Variants in PTPN13 observed in about 807,000 individuals in gnomAD.
The protein encoded by PTPN13 is tyrosine-protein phosphatase non-receptor type 13.
In PTPN13, 191 loss-of-function variants were observed where a neutral mutation model predicts 284.0. The ratio of observed to expected loss-of-function variants is 0.67; its 90% CI spans 0.60 to 0.76. The LOEUF (loss-of-function observed/expected upper bound fraction) is 0.76, where lower values mean the gene tolerates loss of function less well. Ranked by LOEUF, PTPN13 falls within the 30% of genes least tolerant of loss-of-function variation. PTPN13 has a pLI of 0.00. For missense variants in PTPN13, 2,797 were observed against 2,939.9 expected, an observed-to-expected ratio of 0.95 and a Z score of 1.12; for synonymous variants, 986 against 1,022.3, an observed-to-expected ratio of 0.96 and a Z score of 0.68.
chr4:86,689,771 T>C, intron 5 of PTPN13: 1 of 702,194 alleles, frequency 1.4e-6, no homozygotes, highest in Non-Finnish European at 2.6e-6. Context: ...ATCCCAAGAA[T>C]AACCAATGCT....
intron 9 of PTPN13, among the ~76,000 whole-genome samples, chr4:86,720,507 G>A (rs1260816177): frequency 1.3e-5 from 2 of 152,110 alleles, no homozygotes; most frequent in East Asian, 3.8e-4. Flanking sequence ...TTAGTTGTAT[G>A]TATGTATTAT....
intron 19 of PTPN13, among the ~76,000 whole-genome samples, chr4:86,752,167 G>A (rs1737468169): frequency 6.6e-6 from 1 of 152,038 alleles, no homozygotes; most frequent in Non-Finnish European, 1.5e-5. Flanking sequence ...AGGGAAATGA[G>A]GACTGTTTCC....
intron 1 of PTPN13, among the ~76,000 whole-genome samples, chr4:86,613,633 C>CAAAAA (rs544971012): frequency 3.2e-5 from 2 of 61,540 alleles, no homozygotes; most frequent in African/African-American, 5.8e-5. Context: ...GACTCCGTCT[C>CAAAAA]AAAAAAAAAA....
Position 86,701,386 on chromosome 4 carries a change from A to G in PTPN13, c.780A>G (p.Ser260=), listed in dbSNP as rs765808170. 3.7e-6 allele frequency: 6 copies of G among 1,613,338 alleles called. No individual in the cohort carries two copies. Among genetic ancestry groups the G allele is most frequent in the South Asian group, 1.1e-5 (1 of 91,010 alleles). Residue 260 remains serine, a synonymous_variant, in exon 7 of 48, where the codon TCA becomes TCG. Transcript: ENST00000411767. ...AGAATTATTTCAAGGACATTTTATCAGATAATTCTGGACGTGAAGATTCTG... is the reference window on the plus strand; with the variant it reads ...AGAATTATTTCAAGGACATTTTATCGGATAATTCTGGACGTGAAGATTCTG... ...QDENYFKDIL[S]DNSGREDSEN...
chr4:86,747,584 T>TAGC (rs773940145), intron 17 of PTPN13, among the ~76,000 whole-genome samples: 1 of 127,192 alleles, frequency 7.9e-6, no homozygotes, highest in Admixed American at 7.8e-5. Flanking sequence ...GCAGCAGCAG[T>TAGC]AGTAGTAGTA....
chr4:86,669,784 G>A (rs539587331), intron 2 of PTPN13, among the ~76,000 whole-genome samples: 68 of 152,244 alleles, frequency 4.5e-4, no homozygotes, highest in South Asian at 1.7e-3. Context: ...TGGCATTCAG[G>A]CCTCTGTGTT....
intron 1 of PTPN13, among the ~76,000 whole-genome samples, chr4:86,633,552 C>G (rs1346194921): frequency 2.6e-5 from 4 of 152,300 alleles, no homozygotes; most frequent in South Asian, 2.1e-4. Flanking sequence ...GCACACAACT[C>G]TCTTCAAAGA....
chr4:86,646,746 A>C (rs552119787), intron 2 of PTPN13, among the ~76,000 whole-genome samples: 20 of 152,374 alleles, frequency 1.3e-4, no homozygotes, highest in African/African-American at 4.1e-4. Context: ...GTGTGTCCAT[A>C]CAAAGACTTG....
chr4:86,744,250 T>A (rs1736479002), intron 16 of PTPN13, among the ~76,000 whole-genome samples: 1 of 152,184 alleles, frequency 6.6e-6, no homozygotes, highest in Admixed American at 6.6e-5. Context: ...CAGACTCTAC[T>A]TGACTGAATC....
At position 86,771,181 on chromosome 4, in the gene PTPN13, A is replaced by T; in HGVS notation, c.4814A>T (p.Gln1605Leu). 6.2e-7 allele frequency: 1 copy of T among 1,609,810 alleles called. No individual in the cohort carries two copies. The highest frequency in any genetic ancestry group is 8.5e-7 in the Non-Finnish European group (1 of 1,177,634). The change falls in exon 31 of 48, where the codon CAG becomes CTG. Residue 1605 changes from glutamine (Q) to leucine (L), a missense_variant. Physicochemically the swap from Gln to Leu is moderately radical, Grantham distance 113 (BLOSUM62 -2). Transcript: ENST00000411767. ...EIDTALLTPLQSPAQVLPNSS... is the reference protein window; with the variant it reads ...EIDTALLTPLLSPAQVLPNSS... ...ATGTGTCCATTACAGACCCCACTTC[A>T]GTCTCCAGCACAAGTACTTCCAAAC...
intron 30 of PTPN13, among the ~76,000 whole-genome samples, chr4:86,770,968 A>G (rs545838276): frequency 1.3e-5 from 2 of 152,306 alleles, no homozygotes; most frequent in South Asian, 4.1e-4. Flanking sequence ...ATATAATACT[A>G]CTGTAGTTCT....
At chr4:86,664,897 G>A (rs1046127626) in intron 2 of PTPN13, among the ~76,000 whole-genome samples, 1 of 151,928 alleles carries the variant, frequency 6.6e-6, no homozygotes, top group African/African-American at 2.4e-5. Context: ...CTCTATCCAC[G>A]TTGTCCCATC....
chr4:86,741,805 A>G lies in PTPN13; in HGVS notation c.2476A>G (p.Ile826Val). The G allele has an allele frequency of 6.3e-7, 1 of 1,597,752 alleles. No individual in the cohort carries two copies. Among genetic ancestry groups the G allele is most frequent in the South Asian group, 1.1e-5 (1 of 88,118 alleles). The change falls in exon 16 of 48, where the codon ATA becomes GTA. Residue 826 changes from isoleucine (I) to valine (V), a missense_variant. Transcript: ENST00000411767. Reference sequence around the variant, plus strand: ...CTTTCCATGGAGGGAAACCAAGAAAATATCTTTTTCTGTATGTCCATTTAA... The same window carrying G: ...CTTTCCATGGAGGGAAACCAAGAAAGTATCTTTTTCTGTATGTCCATTTAA... Reference protein sequence around the residue: ...LRFPWRETKKISFSKKKITLQ... With the variant: ...LRFPWRETKKVSFSKKKITLQ...
At chr4:86,782,341 T>C in intron 37 of PTPN13, 79 bp downstream of exon 37, 1 of 1,261,630 alleles carries the variant, frequency 7.9e-7, no homozygotes. Flanking sequence ...ACCAAACTGA[T>C]TTCATATTTA....
intron 1 of PTPN13, among the ~76,000 whole-genome samples, chr4:86,613,168 A>G (rs1235648037): frequency 6.6e-6 from 1 of 152,242 alleles, no homozygotes; most frequent in Non-Finnish European, 1.5e-5. Context: ...ATAATGGCTA[A>G]CATTTTGACT....
At chr4:86,761,702 T>TGAATTTCCA (rs1420805737) in intron 23 of PTPN13, among the ~76,000 whole-genome samples, 56 of 152,206 alleles carry the variant, frequency 3.7e-4, no homozygotes, top group Non-Finnish European at 2.6e-4. Context: ...TATTTTACTC[T>TGAATTTCCA]GAATTTCCAG....
At position 86,782,211 on chromosome 4, in the gene PTPN13, T is replaced by C. The variant is rs1372473904; in HGVS notation, c.5973T>C (p.Ser1991=). The stretch of plus-strand genomic sequence containing the variant: ...ATATTGTCCTTTCAGGTTCCTACAG[T>C]GTGGGGTCTTGCAGCCAGCCTGCCC... The part of the protein sequence containing the change: ...PKSTKGNGSY[S]VGSCSQPALT... The change falls in exon 37 of 48, where the codon AGT becomes AGC. Residue 1991 remains serine (S), a synonymous_variant. Transcript: ENST00000411767. 1 of 1,606,766 alleles carries C rather than the reference T, an allele frequency of 6.2e-7. No homozygotes were observed. Among genetic ancestry groups the C allele is most frequent in the Admixed American group, 1.7e-5 (1 of 60,012 alleles).
intron 6 of PTPN13, among the ~76,000 whole-genome samples, chr4:86,696,387 G>T (rs1349224786): frequency 6.6e-6 from 1 of 152,000 alleles, no homozygotes; most frequent in South Asian, 2.1e-4. Context: ...AAAGAAATAT[G>T]TGAGACTATG....
intron 1 of PTPN13, among the ~76,000 whole-genome samples, chr4:86,631,401 G>A (rs892238834): frequency 6.6e-6 from 1 of 152,116 alleles, no homozygotes; most frequent in African/African-American, 2.4e-5. Flanking sequence ...GAAAGATGGT[G>A]CTAGTAGGCA....
Sources: allele counts gnomAD v4.1 joint callset (sites outside exome capture counted in the v4.1 genomes callset), GRCh38; gene constraint gnomAD v4.1.1; transcripts MANE v1.5; gene names NCBI Gene and HGNC (gene_info 2026-07-23, HGNC 2026-07-21).